RNF6: variants seen among roughly 807,000 people sequenced by gnomAD.
The protein encoded by RNF6 is E3 ubiquitin-protein ligase RNF6.
In RNF6, 21 loss-of-function variants were observed where a neutral mutation model predicts 50.1. That is an observed-to-expected ratio of 0.42 (90% CI 0.30 to 0.60). RNF6 has a LOEUF of 0.60. Ranked by LOEUF, RNF6 falls within the 20% of genes least tolerant of loss-of-function variation. RNF6 has a pLI of 0.20. For synonymous variants in RNF6, 255 were observed against 291.8 expected (o/e 0.87, Z 1.29); for missense variants, 698 against 838.2 (o/e 0.83, Z 2.07).
At chr13:26,132,876 A>G (rs1870465199) in intron 5 of RNF6, among the ~76,000 whole-genome samples, 1 of 152,172 alleles carries the variant, frequency 6.6e-6, no homozygotes, top group African/African-American at 2.4e-5. Flanking sequence ...GTTAAAATAC[A>G]GATTCCTGGG....
At chr13:26,220,286 T>G (rs1188537434) in intron 2 of RNF6, among the ~76,000 whole-genome samples, 1 of 152,292 alleles carries the variant, frequency 6.6e-6, no homozygotes, top group Non-Finnish European at 1.5e-5. Flanking sequence ...AGACATCATG[T>G]ATGGCTCAAG....
At chr13:26,164,363 C>T (rs1364361846) in intron 5 of RNF6, among the ~76,000 whole-genome samples, 1 of 152,094 alleles carries the variant, frequency 6.6e-6, no homozygotes, top group Admixed American at 6.6e-5. Flanking sequence ...TCCAATTCTT[C>T]ATCTTTCTAT....
intron 5 of RNF6, among the ~76,000 whole-genome samples, chr13:26,204,261 C>T (rs7998024): frequency 0.066 from 10,055 of 151,918 alleles, 1,102 homozygotes; most frequent in African/African-American, 0.23. Context: ...TTTGGAAGGC[C>T]GAGGCGGGTG....
At chr13:26,203,940 G>A (rs940756815) in intron 5 of RNF6, among the ~76,000 whole-genome samples, 1 of 151,918 alleles carries the variant, frequency 6.6e-6, no homozygotes, top group African/African-American at 2.4e-5. Flanking sequence ...GCGACAGAGC[G>A]AGACTCGGTC....
intron 5 of RNF6, among the ~76,000 whole-genome samples, chr13:26,200,006 A>T (rs1267853258): frequency 2.6e-5 from 4 of 152,010 alleles, no homozygotes; most frequent in Admixed American, 2.6e-4. Context: ...GCCACTTATG[A>T]AGAAGCCAGA....
At chr13:26,161,817 C>T (rs372796979) in intron 5 of RNF6, among the ~76,000 whole-genome samples, 3 of 152,170 alleles carry the variant, frequency 2.0e-5, no homozygotes, top group African/African-American at 7.2e-5. Flanking sequence ...TCCCCCTTTG[C>T]CCTGCCTAGC....
chr13:26,191,297 A>G (rs924554745), intron 5 of RNF6, among the ~76,000 whole-genome samples: 1 of 152,184 alleles, frequency 6.6e-6, no homozygotes, highest in Non-Finnish European at 1.5e-5. Context: ...TCATTCATTC[A>G]ACAAATAGTT....
intron 5 of RNF6, among the ~76,000 whole-genome samples, chr13:26,169,820 C>T (rs1872611100): frequency 6.6e-6 from 1 of 152,150 alleles, no homozygotes; most frequent in Non-Finnish European, 1.5e-5. Context: ...TTAGCAAATA[C>T]AGATAGGCTA....
intron 5 of RNF6, among the ~76,000 whole-genome samples, chr13:26,197,641 A>T (rs1868724417): frequency 6.6e-6 from 1 of 151,994 alleles, no homozygotes; most frequent in Non-Finnish European, 1.5e-5. Flanking sequence ...CTGTGTAGGA[A>T]TCAGAATGGA....
At chr13:26,191,511 G>T (rs1028957668) in intron 5 of RNF6, among the ~76,000 whole-genome samples, 3 of 152,140 alleles carry the variant, frequency 2.0e-5, no homozygotes, top group African/African-American at 7.2e-5. Flanking sequence ...GGACCTGGTG[G>T]GAGGTGATTG....
intron 5 of RNF6, among the ~76,000 whole-genome samples, chr13:26,190,247 T>G (rs1868404562): frequency 6.6e-6 from 1 of 152,220 alleles, no homozygotes; most frequent in Admixed American, 6.5e-5. Flanking sequence ...CGTGAATAGA[T>G]TGGGCCCGCC....
At chr13:26,161,762 T>C (rs761506975) in intron 5 of RNF6, among the ~76,000 whole-genome samples, 24 of 152,226 alleles carry the variant, frequency 1.6e-4, no homozygotes, top group Non-Finnish European at 3.2e-4. Context: ...AGGCGTGTCC[T>C]GGAATTCCTC....
intron 5 of RNF6, among the ~76,000 whole-genome samples, chr13:26,160,172 G>C (rs1872127180): frequency 6.6e-6 from 1 of 152,056 alleles, no homozygotes; most frequent in South Asian, 2.1e-4. Flanking sequence ...TATTAAACAT[G>C]TCAATTAAAG....
chr13:26,204,496 C>CAA (rs71080239), intron 5 of RNF6, among the ~76,000 whole-genome samples: 1,508 of 68,832 alleles, frequency 0.022, 39 homozygotes, highest in African/African-American at 0.063. Context: ...GACTCCACCT[C>CAA]AAAAAAAAAA....
chr13:26,156,100 C>G (rs1040148870), intron 5 of RNF6, among the ~76,000 whole-genome samples: 2 of 152,074 alleles, frequency 1.3e-5, no homozygotes, highest in Admixed American at 1.3e-4. Context: ...AACACAAAAC[C>G]TAACTTAAAA....
At chr13:26,186,689 C>T (rs1350582372) in intron 5 of RNF6, among the ~76,000 whole-genome samples, 3 of 152,240 alleles carry the variant, frequency 2.0e-5, no homozygotes, top group Non-Finnish European at 4.4e-5. Context: ...GTAGCGCGTT[C>T]CTTCGCTGTG....
At chr13:26,159,417 G>T (rs1382023934) in intron 5 of RNF6, among the ~76,000 whole-genome samples, 1 of 152,134 alleles carries the variant, frequency 6.6e-6, no homozygotes, top group East Asian at 1.9e-4. Context: ...AAGGTCAGCA[G>T]ATCGAGACCA....
intron 5 of RNF6, chr13:26,149,278 CT>C (rs1365823932): frequency 6.6e-6 from 1 of 152,066 alleles, no homozygotes; most frequent in East Asian, 1.9e-4. Context: ...ACAAGACGTA[CT>C]AGGTTTAAGA....
intron 3 of RNF6, chr13:26,219,197 T>C (rs1870211965): frequency 3.3e-6 from 1 of 303,196 alleles, no homozygotes; most frequent in Non-Finnish European, 6.0e-6. Context: ...TGTAAATACT[T>C]AACACCATTA....
Sources: allele counts gnomAD v4.1 joint callset (sites outside exome capture counted in the v4.1 genomes callset), GRCh38; gene constraint gnomAD v4.1.1; transcripts MANE v1.5; gene names NCBI Gene and HGNC (gene_info 2026-07-23, HGNC 2026-07-21).